Variants in GLYR1 observed in about 807,000 individuals in gnomAD.
GLYR1 encodes cytokine-like nuclear factor N-PAC.
Under a neutral mutation model 72.7 loss-of-function variants are expected in GLYR1, and 21 were observed. The ratio of observed to expected loss-of-function variants is 0.29; its 90% CI spans 0.20 to 0.42. GLYR1 has a LOEUF of 0.42. Among genes scored for constraint, GLYR1 ranks in the 10% least tolerant of loss-of-function variants. The pLI is 1.00. For synonymous variants in GLYR1, 392 were observed against 270.2 expected (o/e 1.45, Z -4.42); for missense variants, 594 against 712.1 (o/e 0.83, Z 1.89).
At chr16:4,810,230 C>G (rs992819648) in intron 15 of GLYR1, among the ~76,000 whole-genome samples, 2 of 150,096 alleles carry the variant, frequency 1.3e-5, no homozygotes, top group African/African-American at 4.9e-5. Flanking sequence ...GACACAGTGG[C>G]TCACACCTGT....
intron 11 of GLYR1, 183 bp from the exon 12 acceptor site, chr16:4,814,021 T>A: frequency 2.0e-6 from 1 of 493,932 alleles, no homozygotes; most frequent in Non-Finnish European, 3.6e-6. Context: ...CTCCCATTTA[T>A]CTTTAAAAAG....
intron 15 of GLYR1, among the ~76,000 whole-genome samples, chr16:4,807,475 C>G (rs1390680561): frequency 1.3e-5 from 2 of 152,140 alleles, no homozygotes; most frequent in Non-Finnish European, 2.9e-5. Flanking sequence ...AGACAACGAA[C>G]AGAAATCAAA....
intron 12 of GLYR1, 30 bp downstream of exon 12, chr16:4,813,707 C>G: frequency 1.3e-6 from 2 of 1,547,162 alleles, no homozygotes; most frequent in Non-Finnish European, 1.8e-6. Context: ...AGAAAAGATG[C>G]TGGAGAGCCA....
chr16:4,820,140 G>A (rs888995615), intron 9 of GLYR1, among the ~76,000 whole-genome samples: 3 of 152,120 alleles, frequency 2.0e-5, no homozygotes, highest in Non-Finnish European at 4.4e-5. Context: ...TGGGATTAAA[G>A]GCACCCACCA....
chr16:4,830,751 C>G lies in GLYR1; in HGVS notation c.537+1228G>C, dbSNP rs13336509. On this transcript the variant is annotated intron_variant, in intron 5 of 15. Transcript: ENST00000321919. Reference sequence around the variant, plus strand: ...CTCTGTGGCCTTGTAAGACCGGCCCCAAATCTTGTCAGCAAGAAGGCGAGA... The same window carrying G: ...CTCTGTGGCCTTGTAAGACCGGCCCGAAATCTTGTCAGCAAGAAGGCGAGA... 7.4e-3 allele frequency among the ~76,000 whole-genome samples: 1,125 copies of G among 152,294 alleles called. 11 individuals are homozygous for G. The highest frequency in any genetic ancestry group is 0.026 in the African/African-American group (1,072 of 41,576).
chr16:4,812,306 G>A (rs1460921250), intron 12 of GLYR1, 58 bp from the exon 13 acceptor site: 3 of 1,551,640 alleles, frequency 1.9e-6, no homozygotes, highest in Non-Finnish European at 1.7e-6. Context: ...TCTCTGGGCA[G>A]GACTCAAGGA....
rs368565043 is a variant in GLYR1 at position 4,847,198 on chromosome 16, G to C, written c.38+30C>G. 1.6e-4 allele frequency: 247 copies of C among 1,589,290 alleles called. 1 individual carries two copies. In the East Asian group the frequency reaches 5.2e-3, roughly 33 times the overall value. ...GCCCAGGCGGGTAGCTCCCCGGCGC[G>C]TCTCGGTTGGCCCGGCCGCTCGGAC... On this transcript the variant is annotated intron_variant, in intron 1 of 15. Transcript: ENST00000321919.
intron 7 of GLYR1, among the ~76,000 whole-genome samples, chr16:4,822,304 C>A (rs1191326690): frequency 6.6e-6 from 1 of 151,762 alleles, no homozygotes; most frequent in South Asian, 2.1e-4. Flanking sequence ...CCAGGCTGGT[C>A]TTGAACTCCT....
Position 4,805,286 on chromosome 16 carries a change from C to T in GLYR1, c.1612G>A (p.Asp538Asn). 1 of 1,613,924 alleles carries T rather than the reference C, an allele frequency of 6.2e-7. No individual in the cohort carries two copies. The highest frequency in any genetic ancestry group is 8.5e-7 in the Non-Finnish European group (1 of 1,179,976). ...NEVYKRAKAL[D>N]QSDNDMSAVY... The stretch of plus-strand genomic sequence containing the variant: ...GCGGACATATCGTTGTCAGACTGGT[C>T]CAGCGCCTTGGCTCTTTTGTACACC... The change falls in exon 16 of 16, where the codon GAC (aspartate) becomes AAC (asparagine). Residue 538 changes from aspartate to asparagine, a missense_variant. Around this residue, in one of 5 missense-constraint regions of GLYR1, gnomAD observed 10 missense variants for 38.0 expected, o/e 0.26. Transcript: ENST00000321919.
intron 5 of GLYR1, among the ~76,000 whole-genome samples, chr16:4,826,712 G>C (rs1408840204): frequency 6.6e-6 from 1 of 152,220 alleles, no homozygotes; most frequent in Non-Finnish European, 1.5e-5. Flanking sequence ...GTGTGATAGA[G>C]CAGGCGCCAG....
At chr16:4,819,082 CCT>C (rs1388551392) in intron 9 of GLYR1, among the ~76,000 whole-genome samples, 2 of 152,194 alleles carry the variant, frequency 1.3e-5, no homozygotes, top group Non-Finnish European at 2.9e-5. Context: ...TACTTCTTCA[CCT>C]CTCTTTGCAA....
chr16:4,805,889 G>T (rs565892779), intron 15 of GLYR1, among the ~76,000 whole-genome samples: 1 of 152,262 alleles, frequency 6.6e-6, no homozygotes, highest in South Asian at 2.1e-4. Context: ...GTTGAGGCAG[G>T]AGAATAGCTT....
chr16:4,809,637 C>T, intron 15 of GLYR1, among the ~76,000 whole-genome samples: 1 of 140,544 alleles, frequency 7.1e-6, no homozygotes, highest in East Asian at 2.2e-4. Flanking sequence ...AAAAATCATA[C>T]AGGCAGCTGG....
chr16:4,815,181 C>T (rs1197911896), intron 10 of GLYR1, among the ~76,000 whole-genome samples: 5 of 151,932 alleles, frequency 3.3e-5, no homozygotes, highest in African/African-American at 9.7e-5. Context: ...TCATGGCTCA[C>T]TGCAGCCTCA....
intron 15 of GLYR1, among the ~76,000 whole-genome samples, chr16:4,806,779 G>C (rs1596295901): frequency 6.6e-6 from 1 of 151,638 alleles, no homozygotes; most frequent in East Asian, 1.9e-4. Context: ...AAAGAAAATA[G>C]ATAAATGAAA....
At chr16:4,814,768 G>C (rs2083530011) in intron 10 of GLYR1, 121 bp from the exon 11 acceptor site, 7 of 760,976 alleles carry the variant, frequency 9.2e-6, no homozygotes, top group Non-Finnish European at 1.6e-5. Context: ...CTGAGGCCGG[G>C]AGCCTGGGTC....
At position 4,844,973 on chromosome 16, in the gene GLYR1, G is replaced by T. The variant is rs914297864; in HGVS notation, c.155+101C>A. On this transcript the variant is annotated intron_variant, in intron 3 of 15. Coordinates refer to ENST00000321919, the MANE Select transcript of GLYR1 (RefSeq NM_032569.4). ...GAGATGCCAGTATTACACATTATAA[G>T]AAGACTGAACTAAGGATCCTTAGAA... 211 of 791,158 alleles carry T rather than the reference G, an allele frequency of 2.7e-4. No individual in the cohort carries two copies. In the African/African-American group the frequency reaches 3.4e-3, roughly 13 times the overall value. 49.0% of individuals were successfully genotyped at this position (791,158 alleles called of 1,614,324 possible).
chr16:4,833,296 A>C (rs2084912804), intron 3 of GLYR1: 1 of 159,904 alleles, frequency 6.3e-6, no homozygotes, highest in African/African-American at 2.4e-5. Flanking sequence ...AGGCAGCACA[A>C]ATGGCCACAC....
At chr16:4,831,766 G>T in intron 5 of GLYR1, among the ~76,000 whole-genome samples, 1 of 152,156 alleles carries the variant, frequency 6.6e-6, no homozygotes, top group East Asian at 1.9e-4. Context: ...GAGCTCCAAG[G>T]CTCAAGCCAT....
Sources: allele counts gnomAD v4.1 joint callset (sites outside exome capture counted in the v4.1 genomes callset), GRCh38; gene constraint gnomAD v4.1.1; regional missense constraint gnomAD v4.1.1; transcripts MANE v1.5; gene names NCBI Gene and HGNC (gene_info 2026-07-23, HGNC 2026-07-21).